The following AMD1 variants were observed in gnomAD, a reference collection of about 807,000 sequenced individuals.
AMD1 encodes the protein S-adenosylmethionine decarboxylase proenzyme.
A neutral mutation model predicts 40.2 loss-of-function variants in AMD1; 11 were observed. That is an observed-to-expected ratio of 0.27 (90% CI 0.17 to 0.45). The LOEUF is 0.45. Ranked by LOEUF, AMD1 falls within the 20% of genes least tolerant of loss-of-function variation. AMD1 has a pLI of 1.00. For missense variants in AMD1, 257 were observed against 410.2 expected, an observed-to-expected ratio of 0.63 and a Z score of 3.23; for synonymous variants, 121 against 130.8, an observed-to-expected ratio of 0.93 and a Z score of 0.51.
chr6:110,892,176 G>T lies in AMD1; in HGVS notation c.443G>T (p.Cys148Phe). The change falls in exon 5 of 9, where the codon TGT (cysteine) becomes TTT (phenylalanine). Residue 148 changes from cysteine to phenylalanine, a missense_variant. Around this residue, in one of 3 missense-constraint regions of AMD1, gnomAD observed 192 missense variants for 296.5 expected, o/e 0.65. Transcript: ENST00000368885. ...CCCTCAACAGATGGAGCAGCATATT[G>T]TATGGGACGTATGAATTCTGACTGT... is the stretch of plus-strand genomic sequence containing the variant. ...NAIFPNGAAYCMGRMNSDCWY... is the reference protein window; with the variant it reads ...NAIFPNGAAYFMGRMNSDCWY... 6.2e-7 allele frequency: 1 copy of T among 1,613,896 alleles called. No homozygotes were observed. The highest frequency in any genetic ancestry group is 8.5e-7 in the Non-Finnish European group (1 of 1,180,032).
At chr6:110,888,768 CA>C in intron 2 of AMD1, 88 bp from the exon 3 acceptor site, 1 of 1,379,608 alleles carries the variant, frequency 7.2e-7, no homozygotes. Context: ...AAGTACTAGC[CA>C]AAATTGTAAA....
intron 1 of AMD1, among the ~76,000 whole-genome samples, chr6:110,885,708 T>C (rs1785644266): frequency 6.6e-6 from 1 of 152,206 alleles, no homozygotes; most frequent in African/African-American, 2.4e-5. Flanking sequence ...AGTAGCTCTT[T>C]TAAAAAAGTT....
chr6:110,857,361 C>T, the AMD1 span, among the ~76,000 whole-genome samples: 35 of 151,518 alleles, frequency 2.3e-4, no homozygotes, highest in Middle Eastern at 3.4e-3. Flanking sequence ...GAATAAAGCC[C>T]GTCTCTACTA....
At position 110,893,845 on chromosome 6, in the gene AMD1, T is replaced by C. The variant is rs1249906771; in HGVS notation, c.*229T>C. 12 of 468,468 alleles carry C rather than the reference T, an allele frequency of 2.6e-5. No homozygotes were observed. Among genetic ancestry groups the C allele is most frequent in the Non-Finnish European group, 3.7e-5 (10 of 267,606 alleles). 29.0% of individuals were successfully genotyped at this position (468,468 alleles called of 1,614,324 possible). A position where few individuals can be genotyped will look rare whatever the true frequency, so the allele number is the denominator to read the frequency against. On this transcript the variant is annotated 3_prime_UTR_variant, in exon 9 of 9. Transcript: ENST00000368885. The stretch of plus-strand genomic sequence containing the variant: ...TCTGTGTTTAGGTATTCTCTGCCAC[T>C]CTTGCTGTGAAATTGAAGTGCATGT...
chr6:110,870,151 G>A (rs1784888822), upstream of AMD1, among the ~76,000 whole-genome samples: 2 of 152,212 alleles, frequency 1.3e-5, no homozygotes, highest in Non-Finnish European at 2.9e-5. Flanking sequence ...CAATCACCCA[G>A]CTGAGGGTAT....
At chr6:110,887,101 A>G (rs189287959) in intron 1 of AMD1, among the ~76,000 whole-genome samples, 3 of 152,222 alleles carry the variant, frequency 2.0e-5, no homozygotes, top group Non-Finnish European at 2.9e-5. Context: ...TTAAATTTCT[A>G]TGCCAATTAG....
the AMD1 span, among the ~76,000 whole-genome samples, chr6:110,861,154 C>G: frequency 5.3e-5 from 8 of 152,016 alleles, no homozygotes; most frequent in African/African-American, 1.7e-4. Flanking sequence ...GTCAGGAGAT[C>G]GAGACCATCC....
chr6:110,891,774 GC>G (rs914352976), intron 4 of AMD1: 1 of 189,422 alleles, frequency 5.3e-6, no homozygotes, highest in Admixed American at 5.4e-5. Context: ...ATGGCGTCTC[GC>G]TTTGTCACCC....
At chr6:110,864,585 T>G in the AMD1 span, 1 of 152,208 alleles carries the variant, frequency 6.6e-6, no homozygotes, top group African/African-American at 2.4e-5. Context: ...AACATGGGCT[T>G]TTAAATTTCA....
upstream of AMD1, among the ~76,000 whole-genome samples, chr6:110,873,742 T>TAG (rs1784964051): frequency 2.0e-5 from 3 of 151,040 alleles, no homozygotes; most frequent in South Asian, 6.3e-4. Flanking sequence ...ACTTAACACT[T>TAG]ATAAAATATT....
Position 110,883,222 on chromosome 6 carries a change from G to C in AMD1, c.111-4283G>C, listed in dbSNP as rs189256999. Among the ~76,000 whole-genome samples, 194 of 152,292 alleles carry C rather than the reference G, an allele frequency of 1.3e-3. 1 individual carries two copies. The highest frequency in any genetic ancestry group is 0.01 in the Middle Eastern group (3 of 294). On this transcript the variant is annotated intron_variant, in intron 1 of 8. Coordinates refer to ENST00000368885, the MANE Select transcript of AMD1 (RefSeq NM_001634.6). ...TAAACCCTGGACAGAATGCATTGTT[G>C]AGCAGCTATCCAAGGACTCTGAGAA...
At chr6:110,863,214 G>C in the AMD1 span, among the ~76,000 whole-genome samples, 1 of 151,862 alleles carries the variant, frequency 6.6e-6, no homozygotes, top group African/African-American at 2.4e-5. Context: ...CAAAGTGCTG[G>C]GATTACAGGC....
At chr6:110,860,532 C>T in the AMD1 span, among the ~76,000 whole-genome samples, 2 of 152,006 alleles carry the variant, frequency 1.3e-5, no homozygotes, top group African/African-American at 4.8e-5. Context: ...GGCAAGGTGA[C>T]TCATGCCTGT....
chr6:110,821,087 T>G, the AMD1 span, among the ~76,000 whole-genome samples: 2 of 152,178 alleles, frequency 1.3e-5, no homozygotes, highest in Non-Finnish European at 2.9e-5. Flanking sequence ...AATTAAAAGT[T>G]GTGTTCTTCT....
At chr6:110,858,227 C>G in the AMD1 span, 1 of 854,952 alleles carries the variant, frequency 1.2e-6, no homozygotes, top group Non-Finnish European at 1.9e-6. Flanking sequence ...CCTGCCGCAG[C>G]GCGCGCCAGC....
At chr6:110,866,579 G>A in the AMD1 span, among the ~76,000 whole-genome samples, 1 of 152,166 alleles carries the variant, frequency 6.6e-6, no homozygotes, top group Admixed American at 6.5e-5. Context: ...AGGGAACAGG[G>A]ATTAAACTGT....
At chr6:110,853,078 G>A in the AMD1 span, among the ~76,000 whole-genome samples, 1 of 143,674 alleles carries the variant, frequency 7.0e-6, no homozygotes. Flanking sequence ...CAATATATTT[G>A]AGGTATGCCT....
the AMD1 span, among the ~76,000 whole-genome samples, chr6:110,823,740 T>G: frequency 2.6e-5 from 4 of 152,204 alleles, no homozygotes; most frequent in African/African-American, 9.6e-5. Flanking sequence ...CCTATTGGGT[T>G]CTTTTCTAGA....
At chr6:110,882,651 T>C (rs917934848) in intron 1 of AMD1, among the ~76,000 whole-genome samples, 2 of 152,256 alleles carry the variant, frequency 1.3e-5, no homozygotes, top group African/African-American at 4.8e-5. Flanking sequence ...GTAGCTCTGG[T>C]AAATGCCTTT....
Sources: gnomAD v4.1 joint callset for allele counts (sites outside exome capture counted in the v4.1 genomes callset) on GRCh38, gnomAD v4.1.1 for gene constraint, gnomAD v4.1.1 regional missense constraint, MANE v1.5 for transcripts, NCBI Gene and HGNC (gene_info 2026-07-23, HGNC 2026-07-21) for gene names.